ITPR1: variants seen among roughly 807,000 people sequenced by gnomAD.
ITPR1 encodes inositol 1,4,5-trisphosphate-gated calcium channel ITPR1.
A neutral mutation model predicts 318.4 loss-of-function variants in ITPR1; 96 were observed. That is an observed-to-expected ratio of 0.30 (90% CI 0.26 to 0.36). The LOEUF (loss-of-function observed/expected upper bound fraction) is 0.36. Ranked by LOEUF, ITPR1 falls within the 10% of genes least tolerant of loss-of-function variation. The pLI is 1.00. For missense variants in ITPR1, 2,440 were observed against 3,460.2 expected (o/e 0.71, Z 7.40); for synonymous variants, 1,312 against 1,289.9 (o/e 1.02, Z -0.37).
chr3:4,767,666 G>C lies in ITPR1; in HGVS notation c.5726-845G>C, dbSNP rs117949594. On this transcript the variant is annotated intron_variant, in intron 45 of 61. Transcript: ENST00000649015. ...CCTGAGTAGCTGGGACTGCAAGTAT[G>C]CACCACTACATCTGGCTGATGTTTA... 5.7e-4 allele frequency among the ~76,000 whole-genome samples: 87 copies of C among 152,314 alleles called. No homozygotes were observed. In the East Asian group the frequency reaches 0.016, roughly 28 times the overall value.
intron 10 of ITPR1, among the ~76,000 whole-genome samples, chr3:4,646,549 A>C (rs113464760): frequency 9.3e-4 from 141 of 152,360 alleles, no homozygotes; most frequent in Middle Eastern, 6.8e-3. Flanking sequence ...CCATATATCC[A>C]GGCTATAGGG....
chr3:4,613,500 T>A (rs1368032916), intron 4 of ITPR1, among the ~76,000 whole-genome samples: 1 of 152,158 alleles, frequency 6.6e-6, no homozygotes, highest in Non-Finnish European at 1.5e-5. Context: ...TCTAGGCACT[T>A]GTCCTTGGGC....
intron 4 of ITPR1, among the ~76,000 whole-genome samples, chr3:4,614,445 T>C (rs760952295): frequency 7.9e-5 from 12 of 152,200 alleles, no homozygotes; most frequent in Non-Finnish European, 1.8e-4. Context: ...AGGATCTGTT[T>C]GAAGGACTTC....
intron 25 of ITPR1, 92 bp downstream of exon 25, chr3:4,680,783 G>A: frequency 8.3e-7 from 1 of 1,202,728 alleles, no homozygotes; most frequent in South Asian, 1.5e-5. Flanking sequence ...GAAAAAGGGT[G>A]AAAATGGTTT....
chr3:4,727,305 A>T (rs922566399), intron 42 of ITPR1, 132 bp downstream of exon 42: 11 of 609,762 alleles, frequency 1.8e-5, no homozygotes, highest in Non-Finnish European at 3.1e-5. Flanking sequence ...CTCAAGAGCA[A>T]TCACAGCCAT....
intron 45 of ITPR1, among the ~76,000 whole-genome samples, chr3:4,767,316 A>G (rs1362389787): frequency 6.6e-6 from 1 of 152,254 alleles, no homozygotes; most frequent in African/African-American, 2.4e-5. Flanking sequence ...CAGCATACAC[A>G]TTCTCTACCC....
chr3:4,700,059 A>C (rs975513259), intron 35 of ITPR1, 118 bp downstream of exon 35: 1 of 834,050 alleles, frequency 1.2e-6, no homozygotes, highest in East Asian at 2.6e-5. Context: ...TTAATACAAG[A>C]TATATTTCTC....
intron 60 of ITPR1, 137 bp downstream of exon 60, chr3:4,818,379 G>A (rs902199770): frequency 1.1e-5 from 7 of 629,396 alleles, no homozygotes; most frequent in Non-Finnish European, 1.8e-5. Flanking sequence ...CACGGATGGG[G>A]CGCTGTGCTC....
intron 4 of ITPR1, among the ~76,000 whole-genome samples, chr3:4,523,201 T>C (rs2082700154): frequency 6.6e-6 from 1 of 152,216 alleles, no homozygotes; most frequent in African/African-American, 2.4e-5. Context: ...TATCTTGTTC[T>C]ATATACGGGC....
Position 4,825,641 on chromosome 3 carries a change from A to T in ITPR1, c.8028+7399A>T, listed in dbSNP as rs563758343. ...TATTTGATAAGATGACACAGGAAGCAAATACAGAAAGCAACGTGTTAACAA... is the reference window on the plus strand; with the variant it reads ...TATTTGATAAGATGACACAGGAAGCTAATACAGAAAGCAACGTGTTAACAA... On this transcript the variant is annotated intron_variant, in intron 60 of 61. Transcript: ENST00000649015. The T allele has an allele frequency of 1.6e-5, 7 of 442,984 alleles. No individual in the cohort carries two copies. In the East Asian group the frequency reaches 4.9e-4, roughly 31 times the overall value. The allele number at this position is 442,984 out of a possible 1,614,324, so 27.4% of individuals were successfully genotyped here.
chr3:4,768,904 C>T (rs1575181504), intron 46 of ITPR1, 140 bp downstream of exon 46: 3 of 700,832 alleles, frequency 4.3e-6, no homozygotes, highest in Non-Finnish European at 6.8e-6. Flanking sequence ...TTTCCTTTTT[C>T]TTTTTTCTTT....
At chr3:4,709,629 A>G (rs1409405943) in intron 37 of ITPR1, among the ~76,000 whole-genome samples, 1 of 152,146 alleles carries the variant, frequency 6.6e-6, no homozygotes, top group East Asian at 1.9e-4. Context: ...TTTGCCTTCA[A>G]ATGGTGTTTG....
chr3:4,496,185 T>G (rs2080549204), intron 2 of ITPR1, among the ~76,000 whole-genome samples: 1 of 152,220 alleles, frequency 6.6e-6, no homozygotes, highest in African/African-American at 2.4e-5. Flanking sequence ...TTTCCCCATC[T>G]GAATAATTCG....
At chr3:4,703,448 T>C (rs948968974) in intron 36 of ITPR1, among the ~76,000 whole-genome samples, 1 of 152,188 alleles carries the variant, frequency 6.6e-6, no homozygotes, top group African/African-American at 2.4e-5. Context: ...CCGCCTCTCA[T>C]AGGCAGCCTT....
Position 4,658,259 on chromosome 3 carries a change from G to A in ITPR1, c.1132G>A (p.Gly378Ser), listed in dbSNP as rs2093757470. ...GCTAGATCCCACCACTCTGCGTGGA[G>A]GTGACAGCCTTGTCCCAAGGTATCA... ...FELDPTTLRGGDSLVPRNSYV... is the reference protein window; with the variant it reads ...FELDPTTLRGSDSLVPRNSYV... The change falls in exon 13 of 62, where the codon GGT becomes AGT. Residue 378 changes from glycine (G) to serine (S), a missense_variant. By Grantham distance (56) the Gly-to-Ser change is moderately conservative. Coordinates refer to ENST00000649015, the MANE Select transcript of ITPR1 (RefSeq NM_001378452.1). 17 of 1,611,902 alleles carry A rather than the reference G, an allele frequency of 1.1e-5. No homozygotes were observed. The highest frequency in any genetic ancestry group is 3.3e-5 in the Admixed American group (2 of 59,914).
At chr3:4,521,640 G>A (rs1162142791) in intron 4 of ITPR1, among the ~76,000 whole-genome samples, 1 of 152,152 alleles carries the variant, frequency 6.6e-6, no homozygotes, top group Non-Finnish European at 1.5e-5. Flanking sequence ...GCTAGAGCCT[G>A]GGAATTCTAG....
chr3:4,503,104 A>C (rs926367483), intron 2 of ITPR1, among the ~76,000 whole-genome samples: 1 of 152,092 alleles, frequency 6.6e-6, no homozygotes, highest in African/African-American at 2.4e-5. Context: ...AAAAAAAGAA[A>C]AGCCCTTTAT....
chr3:4,629,147 C>A (rs980026950), intron 5 of ITPR1, among the ~76,000 whole-genome samples: 2 of 152,210 alleles, frequency 1.3e-5, no homozygotes, highest in African/African-American at 4.8e-5. Flanking sequence ...GACCCTGCTG[C>A]CCCCACAGAG....
intron 4 of ITPR1, among the ~76,000 whole-genome samples, chr3:4,601,175 C>CTT (rs68165287): frequency 0.41 from 48,411 of 119,208 alleles, 11,134 homozygotes; most frequent in African/African-American, 0.54. Context: ...GAAAAATATT[C>CTT]TTTTTTTTTT....
Sources: allele counts gnomAD v4.1 joint callset (sites outside exome capture counted in the v4.1 genomes callset), GRCh38; gene constraint gnomAD v4.1.1; transcripts MANE v1.5; gene names NCBI Gene and HGNC (gene_info 2026-07-23, HGNC 2026-07-21).